The following CFAP70 variants were observed in gnomAD, a reference collection of about 807,000 sequenced individuals.
The protein encoded by CFAP70 is cilia and flagella associated protein 70.
A neutral mutation model predicts 137.6 loss-of-function variants in CFAP70; 81 were observed. The observed-to-expected ratio is 0.59, with a 90% CI of 0.49 to 0.71. The LOEUF is 0.71. Ranked by LOEUF, CFAP70 falls within the 30% of genes least tolerant of loss-of-function variation. The pLI is 0.00. For synonymous variants in CFAP70, 382 were observed against 423.6 expected, an observed-to-expected ratio of 0.90 and a Z score of 1.20; for missense variants, 976 against 1,226.7, an observed-to-expected ratio of 0.80 and a Z score of 3.05.
chr10:73,347,203 G>A (rs1437541130), intron 4 of CFAP70, among the ~76,000 whole-genome samples: 1 of 152,146 alleles, frequency 6.6e-6, no homozygotes, highest in Non-Finnish European at 1.5e-5. Context: ...CCATTATAAA[G>A]GATGCTATAT....
chr10:73,313,536 C>A (rs561637586), intron 9 of CFAP70, among the ~76,000 whole-genome samples: 1 of 135,408 alleles, frequency 7.4e-6, no homozygotes, highest in Non-Finnish European at 1.6e-5. Flanking sequence ...CAGCAAGACT[C>A]TGTCTCAAAA....
intron 6 of CFAP70, among the ~76,000 whole-genome samples, chr10:73,340,320 C>T (rs887277043): frequency 2.0e-5 from 3 of 152,208 alleles, no homozygotes; most frequent in South Asian, 2.1e-4. Flanking sequence ...TTCTCTCCAC[C>T]GGCAGGTCAT....
At chr10:73,253,950 A>T (rs368331949) in exon 27 of CFAP70, 2 of 1,579,810 alleles carry the variant, frequency 1.3e-6, no homozygotes, top group South Asian at 2.3e-5. Flanking sequence ...AGTCCCATGC[A>T]GAAAATTGTT....
intron 25 of CFAP70, among the ~76,000 whole-genome samples, chr10:73,267,565 A>C (rs2045889123): frequency 6.6e-6 from 1 of 152,238 alleles, no homozygotes; most frequent in African/African-American, 2.4e-5. Flanking sequence ...ATAACATTGC[A>C]AAGGATGTGG....
At chr10:73,283,639 A>G (rs949422407) in intron 19 of CFAP70, among the ~76,000 whole-genome samples, 1 of 152,202 alleles carries the variant, frequency 6.6e-6, no homozygotes, top group Non-Finnish European at 1.5e-5. Flanking sequence ...GTCCATTATT[A>G]ACACAGCTAC....
chr10:73,351,700 G>A (rs1185027052), intron 3 of CFAP70, among the ~76,000 whole-genome samples: 6 of 152,190 alleles, frequency 3.9e-5, no homozygotes, highest in Non-Finnish European at 5.9e-5. Context: ...CAAAGTTCTG[G>A]GATTACAGGC....
chr10:73,303,498 G>T (rs1268107593), intron 12 of CFAP70, among the ~76,000 whole-genome samples: 1 of 152,134 alleles, frequency 6.6e-6, no homozygotes, highest in African/African-American at 2.4e-5. Flanking sequence ...GATTACAGGT[G>T]TGAGCCACCA....
intron 1 of CFAP70, among the ~76,000 whole-genome samples, chr10:73,355,334 T>C (rs117261991): frequency 6.6e-6 from 1 of 152,310 alleles, no homozygotes; most frequent in East Asian, 1.9e-4. Flanking sequence ...TTGTAACTGA[T>C]GCATGCAAAG....
Position 73,327,332 on chromosome 10 carries a change from G to A in CFAP70, c.777+3845C>T, listed in dbSNP as rs868617070. On this transcript the variant is annotated intron_variant, in intron 8 of 26. Transcript: ENST00000310715. ...TCAATAAATTAGGTATTGATGGGAC[G>A]TATCTCAAAATAATAAGAGCTATCT... Among the ~76,000 whole-genome samples the A allele has an allele frequency of 9.7e-4, 145 of 149,458 alleles. 2 individuals are homozygous for A. The East Asian group carries it at 0.015, about 15-fold the overall frequency.
chr10:73,357,349 C>T (rs2132589267), intron 1 of CFAP70, among the ~76,000 whole-genome samples: 1 of 152,270 alleles, frequency 6.6e-6, no homozygotes, highest in East Asian at 1.9e-4. Context: ...AATACATATG[C>T]ATGCCAGGAA....
intron 8 of CFAP70, among the ~76,000 whole-genome samples, chr10:73,327,444 C>G (rs1489533989): frequency 6.6e-6 from 1 of 151,596 alleles, no homozygotes; most frequent in African/African-American, 2.4e-5. Context: ...GGGATGCCCT[C>G]TCTCACCACT....
At chr10:73,283,024 G>C (rs965978848) in intron 19 of CFAP70, among the ~76,000 whole-genome samples, 2 of 151,688 alleles carry the variant, frequency 1.3e-5, no homozygotes, top group Admixed American at 1.3e-4. Flanking sequence ...GTAGAGACAG[G>C]GTTTCCCCAT....
At chr10:73,291,085 GCT>G (rs1366991354) in intron 19 of CFAP70, 139 bp downstream of exon 20, 1 of 677,968 alleles carries the variant, frequency 1.5e-6, no homozygotes, top group Non-Finnish European at 2.6e-6. Context: ...CATGATCACA[GCT>G]CACTGCAACC....
intron 25 of CFAP70, among the ~76,000 whole-genome samples, chr10:73,263,774 G>C (rs1273311897): frequency 2.0e-5 from 3 of 152,132 alleles, no homozygotes; most frequent in African/African-American, 7.2e-5. Context: ...GAGATACTTT[G>C]AGACTATGAA....
chr10:73,318,270 GT>G (rs1564834284), intron 9 of CFAP70, among the ~76,000 whole-genome samples: 1 of 152,152 alleles, frequency 6.6e-6, no homozygotes, highest in Non-Finnish European at 1.5e-5. Context: ...CAGCTTTATG[GT>G]TGCTTTTGTG....
chr10:73,299,751 T>C lies in CFAP70; in HGVS notation c.1257-86A>G, dbSNP rs948301230. ...ATTTTCTTTTATCTTATCCTCAAAG[T>C]GTCTGGGTGGGGGAGATCTGAGGTC... On this transcript the variant is annotated intron_variant, in intron 12 of 26. Transcript: ENST00000310715. The C allele has an allele frequency of 3.7e-6, 4 of 1,075,574 alleles. No homozygotes were observed. The African/African-American group carries it at 6.4e-5, about 17-fold the overall frequency. 66.6% of individuals were successfully genotyped at this position (1,075,574 alleles called of 1,614,324 possible). A position where few individuals can be genotyped will look rare whatever the true frequency, so the allele number is the denominator to read the frequency against.
chr10:73,283,141 G>C (rs925005536), intron 19 of CFAP70, among the ~76,000 whole-genome samples: 3 of 152,124 alleles, frequency 2.0e-5, no homozygotes, highest in Non-Finnish European at 4.4e-5. Context: ...CACCTGGCCA[G>C]ATTTTCCTGT....
At chr10:73,266,414 T>G (rs993562766) in intron 25 of CFAP70, among the ~76,000 whole-genome samples, 1 of 152,212 alleles carries the variant, frequency 6.6e-6, no homozygotes, top group African/African-American at 2.4e-5. Context: ...TTGTAGATTT[T>G]CTTGGGTTCC....
intron 8 of CFAP70, among the ~76,000 whole-genome samples, chr10:73,330,781 T>C (rs2051992001): frequency 6.6e-6 from 1 of 152,150 alleles, no homozygotes; most frequent in Non-Finnish European, 1.5e-5. Flanking sequence ...TCATCAAAGC[T>C]ATACCTTTTA....
Sources: gnomAD v4.1 joint callset for allele counts (sites outside exome capture counted in the v4.1 genomes callset) on GRCh38, gnomAD v4.1.1 for gene constraint, MANE v1.5 for transcripts, NCBI Gene and HGNC (gene_info 2026-07-23, HGNC 2026-07-21) for gene names.